Variants in UPRT observed in about 807,000 individuals in gnomAD.
UPRT encodes the protein RP11-311P8.3.
UPRT carries 5 observed loss-of-function variants against 22.6 expected under a neutral mutation model. That is an observed-to-expected ratio of 0.22 (90% CI 0.12 to 0.47). The LOEUF (loss-of-function observed/expected upper bound fraction) is 0.47, where lower values mean the gene tolerates loss of function less well. Among genes scored for constraint, UPRT ranks in the 20% least tolerant of loss-of-function variants. UPRT has a pLI of 0.99. For missense variants in UPRT, 181 were observed against 239.9 expected (o/e 0.75, Z 1.62); for synonymous variants, 77 against 87.7 (o/e 0.88, Z 0.68).
chrX:75,176,375 T>C lies in UPRT; in HGVS notation c.-447+8496T>C, dbSNP rs186295319. Among the ~76,000 whole-genome samples the C allele has an allele frequency of 3.3e-3, 373 of 111,655 alleles. 1 individual carries two copies. The highest frequency in any genetic ancestry group is 0.011 in the African/African-American group (353 of 30,750). ...GGCTGCAGCTAAAGCCGCATTCTTT[T>C]AATTAAAGGCCAGGGTTTGATCTAA... On this transcript the variant is annotated intron_variant, in intron 4 of 13. Transcript: ENST00000652605.
Position 75,178,358 on chromosome X carries a change from G to A in UPRT, c.-447+10479G>A, listed in dbSNP as rs778049374. ...TGGTACTCACTGCTTGGCGATAGGC[G>A]AAAGTCTCACCGCTCAGCGATAGGC... On this transcript the variant is annotated intron_variant, in intron 4 of 13. Transcript: ENST00000652605. Among the ~76,000 whole-genome samples the A allele has an allele frequency of 6.3e-5, 7 of 111,951 alleles. No homozygotes were observed. In the South Asian group the frequency reaches 1.1e-3, roughly 18 times the overall value.
intron 4 of UPRT, among the ~76,000 whole-genome samples, chrX:75,172,073 T>C (rs943034506): frequency 1.7e-4 from 19 of 112,170 alleles, no homozygotes; most frequent in African/African-American, 5.8e-4. Flanking sequence ...TGCCAGGACA[T>C]GGCAGGCTTT....
intron 4 of UPRT, among the ~76,000 whole-genome samples, chrX:75,238,915 C>T (rs2082479050): frequency 9.0e-6 from 1 of 111,305 alleles, no homozygotes; most frequent in East Asian, 2.8e-4. Context: ...TTGAACTGAA[C>T]AATAATAGTG....
intron 4 of UPRT, among the ~76,000 whole-genome samples, chrX:75,205,254 C>T (rs760698800): frequency 2.2e-4 from 24 of 108,870 alleles, no homozygotes; most frequent in African/African-American, 7.7e-4. Context: ...CCTGTAGTCC[C>T]GGCTACTCGG....
In UPRT at chrX:75,300,976, C is replaced by G; in HGVS notation, c.823+11C>G. 8.6e-7 allele frequency: 1 copy of G among 1,165,996 alleles called. No homozygotes were observed. On this transcript the variant is annotated intron_variant, in intron 6 of 6. Coordinates refer to ENST00000373383, the MANE Select transcript of UPRT (RefSeq NM_145052.4). ...TCTCCACTCCTCATGGTGAGTTCAG[C>G]ATGAGGCAGTAACTAGGGCTCCATA... is the stretch of plus-strand genomic sequence containing the variant.
chrX:75,219,889 T>G, intron 4 of UPRT, among the ~76,000 whole-genome samples: 1 of 111,850 alleles, frequency 8.9e-6, no homozygotes, highest in Middle Eastern at 4.6e-3. Flanking sequence ...TATTCTGCAG[T>G]CATTGGATGA....
At chrX:75,290,693 G>C (rs764556232) in intron 1 of UPRT, among the ~76,000 whole-genome samples, 3 of 110,968 alleles carry the variant, frequency 2.7e-5, no homozygotes, top group Non-Finnish European at 5.7e-5. Context: ...ATTAATGCAG[G>C]AACAGAAAAT....
intron 4 of UPRT, among the ~76,000 whole-genome samples, chrX:75,218,297 T>C (rs1229406742): frequency 2.7e-5 from 3 of 110,938 alleles, no homozygotes; most frequent in Non-Finnish European, 5.7e-5. Flanking sequence ...ATGGTCACCA[T>C]CACTGGCCAT....
intron 4 of UPRT, among the ~76,000 whole-genome samples, chrX:75,235,749 G>A (rs866383980): frequency 9.0e-6 from 1 of 111,363 alleles, no homozygotes; most frequent in Non-Finnish European, 1.9e-5. Flanking sequence ...ATTCAACAAC[G>A]CTTCATCCTA....
intron 4 of UPRT, chrX:75,201,783 C>A: frequency 8.5e-6 from 1 of 117,020 alleles, no homozygotes; most frequent in South Asian, 3.1e-4. Context: ...CAGGGCTGCT[C>A]TAGCTGAGGT....
At chrX:75,251,996 A>C (rs1379933311) in intron 4 of UPRT, among the ~76,000 whole-genome samples, 1 of 112,272 alleles carries the variant, frequency 8.9e-6, no homozygotes, top group African/African-American at 3.2e-5. Context: ...TGCTGGGAAA[A>C]CTGGCTATCC....
At position 75,206,943 on chromosome X, in the gene UPRT, C is replaced by T. The variant is rs748188981; in HGVS notation, c.-447+39064C>T. On this transcript the variant is annotated intron_variant, in intron 4 of 13. Transcript: ENST00000652605. ...CCTCCCAAAGTGTTGAGATTACAGG[C>T]GTGAGCCACCACACTTGGCCAATGA... Among the ~76,000 whole-genome samples the T allele has an allele frequency of 3.6e-5, 4 of 112,495 alleles. No individual in the cohort carries two copies. In the South Asian group the frequency reaches 1.1e-3, roughly 31 times the overall value.
At chrX:75,172,089 G>T (rs2082229850) in intron 4 of UPRT, among the ~76,000 whole-genome samples, 1 of 112,208 alleles carries the variant, frequency 8.9e-6, no homozygotes, top group Non-Finnish European at 1.9e-5. Flanking sequence ...GCTTTCAAGA[G>T]AGCATCAGCT....
chrX:75,177,455 C>T (rs1301263344), intron 4 of UPRT, among the ~76,000 whole-genome samples: 2 of 110,924 alleles, frequency 1.8e-5, no homozygotes, highest in East Asian at 2.9e-4. Flanking sequence ...CGAGAAAAAT[C>T]GGATTTAGTG....
intron 4 of UPRT, among the ~76,000 whole-genome samples, chrX:75,180,265 G>T (rs1243572416): frequency 8.9e-6 from 1 of 112,270 alleles, no homozygotes; most frequent in Non-Finnish European, 1.9e-5. Flanking sequence ...AGACAAGTCA[G>T]AAATGGCTTC....
At chrX:75,183,785 A>T (rs1215582743) in intron 4 of UPRT, among the ~76,000 whole-genome samples, 1 of 111,961 alleles carries the variant, frequency 8.9e-6, no homozygotes, top group Non-Finnish European at 1.9e-5. Context: ...GATGATGAGC[A>T]TTTTTTCATG....
intron 4 of UPRT, among the ~76,000 whole-genome samples, chrX:75,228,041 C>T (rs2082428199): frequency 8.9e-6 from 1 of 111,894 alleles, no homozygotes; most frequent in African/African-American, 3.2e-5. Context: ...CCTCTGGAAA[C>T]AGACTCTGTG....
intron 4 of UPRT, among the ~76,000 whole-genome samples, chrX:75,170,641 G>GT (rs913397716): frequency 6.3e-5 from 7 of 110,656 alleles, no homozygotes; most frequent in African/African-American, 9.9e-5. Flanking sequence ...TGAATACCTT[G>GT]TTTTTTTTAT....
At chrX:75,246,637 G>C (rs2082507558) in intron 4 of UPRT, among the ~76,000 whole-genome samples, 1 of 111,322 alleles carries the variant, frequency 9.0e-6, no homozygotes, top group African/African-American at 3.3e-5. Flanking sequence ...GGATGGCTGG[G>C]TCAAATGGTA....
Sources: gnomAD v4.1 joint callset for allele counts (sites outside exome capture counted in the v4.1 genomes callset) on GRCh38, gnomAD v4.1.1 for gene constraint, MANE v1.5 for transcripts, NCBI Gene and HGNC (gene_info 2026-07-23, HGNC 2026-07-21) for gene names.